The following PLS3 variants were observed in gnomAD, a reference collection of about 807,000 sequenced individuals.
PLS3 encodes the protein plastin-3.
In PLS3, 11 loss-of-function variants were observed where a neutral mutation model predicts 46.5. The observed-to-expected ratio is 0.24, with a 90% CI of 0.15 to 0.39. The LOEUF is 0.39. Among genes scored for constraint, PLS3 ranks in the 10% least tolerant of loss-of-function variants. PLS3 has a pLI of 1.00. For missense variants in PLS3, 308 were observed against 461.8 expected, an observed-to-expected ratio of 0.67 and a Z score of 3.05; for synonymous variants, 167 against 162.2, an observed-to-expected ratio of 1.03 and a Z score of -0.22.
At chrX:115,577,908 G>A (rs782492119) in intron 1 of PLS3, among the ~76,000 whole-genome samples, 5 of 111,338 alleles carry the variant, frequency 4.5e-5, no homozygotes, top group South Asian at 3.8e-4. Flanking sequence ...AGTACTTACC[G>A]AGCACCTTAT....
chrX:115,585,192 C>G (rs1282018573), intron 1 of PLS3, among the ~76,000 whole-genome samples: 2 of 111,074 alleles, frequency 1.8e-5, no homozygotes, highest in Non-Finnish European at 3.8e-5. Context: ...CACAGCCACT[C>G]TGAGCCCCTT....
intron 1 of PLS3, among the ~76,000 whole-genome samples, chrX:115,570,558 C>T (rs2074207664): frequency 1.1e-5 from 1 of 92,739 alleles, no homozygotes; most frequent in African/African-American, 4.3e-5. Context: ...GGCTGGAGTG[C>T]AACTGTGCGA....
chrX:115,615,523 G>GAC lies in PLS3; in HGVS notation c.73+5201_73+5202insCA, dbSNP rs1236812168. ...AGAGAGAGAGAGAGAGAGAGAGAGAGAGAGAGAAAGGAAACAGTCCTTTTA... is the reference window on the plus strand; with the variant it reads ...AGAGAGAGAGAGAGAGAGAGAGAGAGACAGAGAGAAAGGAAACAGTCCTTTTA... On this transcript the variant is annotated intron_variant, in intron 2 of 15. Coordinates refer to ENST00000355899, the MANE Select transcript of PLS3 (RefSeq NM_005032.7). Among the ~76,000 whole-genome samples, 326 of 105,851 alleles carry GAC rather than the reference G, an allele frequency of 3.1e-3. 1 individual carries two copies. The highest frequency in any genetic ancestry group is 0.01 in the African/African-American group (301 of 28,953). The allele number at this position is 105,851 out of a possible 115,157, so 91.9% of individuals were successfully genotyped here.
At chrX:115,580,983 G>A (rs1481070736) in intron 1 of PLS3, among the ~76,000 whole-genome samples, 1 of 110,802 alleles carries the variant, frequency 9.0e-6, no homozygotes, top group Non-Finnish European at 1.9e-5. Flanking sequence ...CAATCCTCCC[G>A]CCTCAGCCTC....
At chrX:115,571,734 A>AG (rs1223331989) in intron 1 of PLS3, among the ~76,000 whole-genome samples, 6 of 111,923 alleles carry the variant, frequency 5.4e-5, no homozygotes, top group African/African-American at 9.7e-5. Context: ...AAAAAAAAGT[A>AG]GGGGCAAAGA....
chrX:115,614,781 T>G (rs1313696788), intron 2 of PLS3, among the ~76,000 whole-genome samples: 1 of 112,245 alleles, frequency 8.9e-6, no homozygotes, highest in Non-Finnish European at 1.9e-5. Context: ...ATAAATAGAT[T>G]CCTTTTGTCA....
intron 5 of PLS3, among the ~76,000 whole-genome samples, chrX:115,632,888 T>G (rs1181592277): frequency 9.1e-6 from 1 of 109,831 alleles, no homozygotes; most frequent in Non-Finnish European, 1.9e-5. Context: ...TGCGCCACTA[T>G]GCCTAGCTAA....
intron 1 of PLS3, among the ~76,000 whole-genome samples, chrX:115,567,594 AAGAAAAAC>A (rs2074184156): frequency 9.0e-6 from 1 of 110,771 alleles, no homozygotes; most frequent in Non-Finnish European, 1.9e-5. Context: ...CCCATCTCAA[AAGAAAAAC>A]AGAAAAACAA....
chrX:115,583,752 C>A (rs936141057), intron 1 of PLS3, among the ~76,000 whole-genome samples: 17 of 111,884 alleles, frequency 1.5e-4, no homozygotes, highest in Non-Finnish European at 2.8e-4. Context: ...AATGCTAAAG[C>A]GGCTCTTTCT....
intron 2 of PLS3, among the ~76,000 whole-genome samples, chrX:115,612,650 C>A (rs2074558740): frequency 9.0e-6 from 1 of 111,373 alleles, no homozygotes; most frequent in Non-Finnish European, 1.9e-5. Flanking sequence ...TTGATTATCT[C>A]CTTAGAAATT....
intron 5 of PLS3, among the ~76,000 whole-genome samples, chrX:115,632,069 G>A (rs1002063687): frequency 1.8e-5 from 2 of 111,042 alleles, no homozygotes; most frequent in Non-Finnish European, 3.8e-5. Context: ...CTACCAAAGC[G>A]CTGGGATTAC....
chrX:115,576,919 C>G (rs6643984), intron 1 of PLS3, among the ~76,000 whole-genome samples: 1 of 112,646 alleles, frequency 8.9e-6, no homozygotes, highest in Non-Finnish European at 1.9e-5. Flanking sequence ...AGAGCTGAGT[C>G]TAATCCACCT....
At chrX:115,626,286 C>CTT (rs199906155) in intron 3 of PLS3, among the ~76,000 whole-genome samples, 2 of 101,552 alleles carry the variant, frequency 2.0e-5, no homozygotes, top group Non-Finnish European at 2.0e-5. Context: ...ATCATTTTTA[C>CTT]TTTTTTTTTT....
intron 1 of PLS3, among the ~76,000 whole-genome samples, chrX:115,578,876 T>C (rs1402874717): frequency 9.0e-6 from 1 of 110,885 alleles, no homozygotes; most frequent in Non-Finnish European, 1.9e-5. Context: ...TCACACCTAC[T>C]TGTAAGAAAT....
intron 14 of PLS3, 32 bp downstream of exon 14, chrX:115,647,705 T>C: frequency 8.5e-7 from 1 of 1,180,532 alleles, no homozygotes; most frequent in South Asian, 1.8e-5. Flanking sequence ...TTAAATATTA[T>C]GTTTGCTGGA....
chrX:115,640,091 G>T, intron 8 of PLS3: 1 of 1,116,257 alleles, frequency 9.0e-7, no homozygotes, highest in East Asian at 3.3e-5. Context: ...TTTTTTAAAT[G>T]CTTGTTTTGT....
chrX:115,608,535 C>T (rs1224784928), intron 1 of PLS3, among the ~76,000 whole-genome samples: 2 of 111,999 alleles, frequency 1.8e-5, no homozygotes, highest in Non-Finnish European at 3.8e-5. Flanking sequence ...GTAAGTTCAT[C>T]AGTTGTAACA....
chrX:115,633,180 T>G (rs1267023960), intron 5 of PLS3, among the ~76,000 whole-genome samples: 3 of 109,855 alleles, frequency 2.7e-5, no homozygotes, highest in African/African-American at 9.9e-5. Flanking sequence ...TTTTTGGGTT[T>G]TTTTTTTTTT....
chrX:115,572,815 C>T (rs782357433), intron 1 of PLS3, among the ~76,000 whole-genome samples: 6 of 110,913 alleles, frequency 5.4e-5, no homozygotes, highest in South Asian at 3.8e-4. Flanking sequence ...GAATTTAGAC[C>T]GTGCCCGGTG....
Sources: gnomAD v4.1 joint callset for allele counts (sites outside exome capture counted in the v4.1 genomes callset) on GRCh38, gnomAD v4.1.1 for gene constraint, MANE v1.5 for transcripts, NCBI Gene and HGNC (gene_info 2026-07-23, HGNC 2026-07-21) for gene names.